Variants in DGKI observed in about 807,000 individuals in gnomAD.
DGKI encodes DAG kinase iota.
Under a neutral mutation model 147.5 loss-of-function variants are expected in DGKI, and 55 were observed. The ratio of observed to expected loss-of-function variants is 0.37; its 90% CI spans 0.30 to 0.47. The LOEUF (loss-of-function observed/expected upper bound fraction) is 0.47, where lower values mean the gene tolerates loss of function less well. Ranked by LOEUF, DGKI falls within the 20% of genes least tolerant of loss-of-function variation. The pLI is 1.00. For synonymous variants in DGKI, 469 were observed against 477.1 expected (o/e 0.98, Z 0.22); for missense variants, 1,007 against 1,323.8 (o/e 0.76, Z 3.71).
At chr7:137,454,236 T>C (rs1361049301) in intron 27 of DGKI, among the ~76,000 whole-genome samples, 1 of 152,212 alleles carries the variant, frequency 6.6e-6, no homozygotes, top group Non-Finnish European at 1.5e-5. Flanking sequence ...TTGTACACAA[T>C]AAATATATGC....
At chr7:137,833,591 T>A (rs1798279290) in intron 1 of DGKI, among the ~76,000 whole-genome samples, 1 of 152,174 alleles carries the variant, frequency 6.6e-6, no homozygotes, top group African/African-American at 2.4e-5. Context: ...TATCACAACC[T>A]ATGCTTTGAA....
intron 30 of DGKI, among the ~76,000 whole-genome samples, chr7:137,406,783 T>C (rs1811964236): frequency 2.0e-5 from 3 of 152,198 alleles, no homozygotes; most frequent in South Asian, 4.1e-4. Context: ...CTTATTTTTT[T>C]CTTTAGCCTG....
At chr7:137,652,834 T>G (rs928294883) in intron 5 of DGKI, among the ~76,000 whole-genome samples, 1 of 152,248 alleles carries the variant, frequency 6.6e-6, no homozygotes, top group African/African-American at 2.4e-5. Flanking sequence ...TGTTTGTGAT[T>G]CTCAGATATC....
At chr7:137,554,061 T>G (rs1181241009) in intron 19 of DGKI, among the ~76,000 whole-genome samples, 2 of 152,138 alleles carry the variant, frequency 1.3e-5, no homozygotes, top group East Asian at 3.9e-4. Context: ...ACAGCAAATA[T>G]TACAAGCAGG....
intron 1 of DGKI, among the ~76,000 whole-genome samples, chr7:137,751,838 G>A (rs1009501803): frequency 1.2e-4 from 18 of 152,026 alleles, no homozygotes; most frequent in South Asian, 2.1e-4. Context: ...TGACCTGTAC[G>A]CTGTCATTTT....
chr7:137,698,160 A>ATC (rs1316094862), intron 1 of DGKI, among the ~76,000 whole-genome samples: 4 of 151,500 alleles, frequency 2.6e-5, no homozygotes, highest in African/African-American at 9.7e-5. Flanking sequence ...ATATATATAT[A>ATC]TATCTCCAGA....
chr7:137,444,743 C>G (rs1394584983), intron 27 of DGKI, among the ~76,000 whole-genome samples: 2 of 152,148 alleles, frequency 1.3e-5, no homozygotes, highest in African/African-American at 4.8e-5. Context: ...TTATGATAAT[C>G]AGATCTCAAA....
At position 137,381,268 on chromosome 7, in the gene DGKI, A is replaced by T. The variant is rs1273375298; in HGVS notation, c.*9952T>A. The T allele has an allele frequency of 7.2e-6, 1 of 137,974 alleles. No individual in the cohort carries two copies. Among genetic ancestry groups the T allele is most frequent in the East Asian group, 2.2e-4 (1 of 4,488 alleles). The allele number at this position is 137,974 out of a possible 1,614,324, so 8.5% of individuals were successfully genotyped here. On this transcript the variant is annotated 3_prime_UTR_variant, in exon 33 of 33. Transcript: ENST00000614521. ...TTATGACTTTGTTACAAAAAACTTC[A>T]TTCTTCCCTTTCCCATCCCACCCCC...
chr7:137,769,393 A>G (rs1186038693), intron 1 of DGKI, among the ~76,000 whole-genome samples: 2 of 152,250 alleles, frequency 1.3e-5, no homozygotes, highest in Non-Finnish European at 2.9e-5. Context: ...GGAAGATCAA[A>G]CTAGTACCAT....
chr7:137,670,010 CA>C (rs200125145), intron 3 of DGKI, among the ~76,000 whole-genome samples: 12 of 150,684 alleles, frequency 8.0e-5, no homozygotes, highest in African/African-American at 2.9e-4. Flanking sequence ...CCCATCCACT[CA>C]AAAAAAAAGT....
At chr7:137,680,100 C>T (rs750680640) in intron 2 of DGKI, among the ~76,000 whole-genome samples, 1 of 151,746 alleles carries the variant, frequency 6.6e-6, no homozygotes, top group Non-Finnish European at 1.5e-5. Context: ...GTGGAGCCCT[C>T]ATAATGGGAT....
intron 1 of DGKI, among the ~76,000 whole-genome samples, chr7:137,703,633 C>T (rs1793894594): frequency 6.6e-6 from 1 of 152,118 alleles, no homozygotes; most frequent in African/African-American, 2.4e-5. Flanking sequence ...TAGATGGCCA[C>T]TAAGCTAACC....
chr7:137,686,804 C>A (rs1823434514), intron 2 of DGKI, among the ~76,000 whole-genome samples: 1 of 152,142 alleles, frequency 6.6e-6, no homozygotes, highest in Non-Finnish European at 1.5e-5. Flanking sequence ...AAGCCTTTTG[C>A]CAAAGTATAT....
At chr7:137,614,021 T>C (rs1164096014) in intron 8 of DGKI, among the ~76,000 whole-genome samples, 1 of 152,158 alleles carries the variant, frequency 6.6e-6, no homozygotes, top group Non-Finnish European at 1.5e-5. Context: ...GAGACTCTCT[T>C]ATCTGAGATG....
chr7:137,580,004 G>C (rs1354832541), intron 15 of DGKI, among the ~76,000 whole-genome samples: 1 of 152,050 alleles, frequency 6.6e-6, no homozygotes, highest in African/African-American at 2.4e-5. Context: ...TTCTCACTCT[G>C]ATGCATAGAA....
intron 27 of DGKI, among the ~76,000 whole-genome samples, chr7:137,447,001 A>G (rs1273739287): frequency 2.0e-5 from 3 of 152,226 alleles, no homozygotes. Context: ...CTTATAGTGT[A>G]AACTATTACT....
intron 1 of DGKI, among the ~76,000 whole-genome samples, chr7:137,785,466 T>C (rs1796639960): frequency 6.6e-6 from 1 of 151,814 alleles, no homozygotes; most frequent in African/African-American, 2.4e-5. Context: ...AGCAGCGTGA[T>C]TGAAATAGTA....
At chr7:137,471,915 T>C (rs932480627) in intron 23 of DGKI, among the ~76,000 whole-genome samples, 1 of 142,522 alleles carries the variant, frequency 7.0e-6, no homozygotes, top group African/African-American at 2.6e-5. Flanking sequence ...TCTTGCTCTC[T>C]ATATGTATAT....
At chr7:137,712,286 C>A (rs1794240224) in intron 1 of DGKI, among the ~76,000 whole-genome samples, 1 of 152,028 alleles carries the variant, frequency 6.6e-6, no homozygotes, top group Admixed American at 6.6e-5. Context: ...TGGGTTATTA[C>A]CCTTTATAAT....
Sources: allele counts gnomAD v4.1 joint callset (sites outside exome capture counted in the v4.1 genomes callset), GRCh38; gene constraint gnomAD v4.1.1; transcripts MANE v1.5; gene names NCBI Gene and HGNC (gene_info 2026-07-23, HGNC 2026-07-21).